Variants in PIK3R4 observed in about 807,000 individuals in gnomAD.
The protein encoded by PIK3R4 is phosphoinositide 3-kinase regulatory subunit 4.
PIK3R4 carries 46 observed loss-of-function variants against 136.5 expected under a neutral mutation model. The observed-to-expected ratio is 0.34, with a 90% confidence interval of 0.27 to 0.43. The LOEUF (loss-of-function observed/expected upper bound fraction) is 0.43, where lower values mean the gene tolerates loss of function less well. PIK3R4 is among the 20% of genes least tolerant of loss of function. PIK3R4 has a pLI of 1.00. For missense variants in PIK3R4, 1,331 were observed against 1,649.5 expected (o/e 0.81, Z 3.35); for synonymous variants, 557 against 566.7 (o/e 0.98, Z 0.24).
At chr3:130,689,593 C>T (rs922514872) in intron 14 of PIK3R4, among the ~76,000 whole-genome samples, 8 of 152,184 alleles carry the variant, frequency 5.3e-5, no homozygotes, top group Non-Finnish European at 1.2e-4. Context: ...CCTTAAGCTA[C>T]CTAATGGCCA....
chr3:130,744,618 G>A lies in PIK3R4; in HGVS notation c.601C>T (p.Arg201Cys). The change falls in exon 2 of 20, where the codon CGT becomes TGT. Residue 201 changes from arginine (R) to cysteine (C), a missense_variant. Arg to Cys is a radical substitution (Grantham distance 180). Coordinates refer to ENST00000356763, the MANE Select transcript of PIK3R4 (RefSeq NM_014602.3). ...GCAAACATCCCACCATCAACAAAAC[G>A]TTCAGGAGCAATATAGCAAGTTCTC... ...RRRTCYIAPERFVDGGMFATE... is the reference protein window; with the variant it reads ...RRRTCYIAPECFVDGGMFATE... 1.9e-6 allele frequency: 3 copies of A among 1,614,164 alleles called. No homozygotes were observed. Among genetic ancestry groups the A allele is most frequent in the Non-Finnish European group, 2.5e-6 (3 of 1,180,024 alleles).
intron 13 of PIK3R4, among the ~76,000 whole-genome samples, chr3:130,702,456 G>T (rs1322933504): frequency 6.6e-6 from 1 of 152,024 alleles, no homozygotes; most frequent in Admixed American, 6.6e-5. Flanking sequence ...GAGCTAATCG[G>T]CACAAAATCT....
intron 15 of PIK3R4, among the ~76,000 whole-genome samples, chr3:130,685,675 C>G (rs1231054258): frequency 6.6e-6 from 1 of 152,138 alleles, no homozygotes. Context: ...CCTTTGGAGA[C>G]AAGGCAAACA....
chr3:130,723,673 C>A, intron 6 of PIK3R4, 86 bp from the exon 7 acceptor site: 1 of 1,111,834 alleles, frequency 9.0e-7, no homozygotes. Context: ...TAAGCAAAAG[C>A]CAAACATATT....
rs2107615622 is a variant in PIK3R4, at chr3:130,723,353, T to C, written c.1981+61A>G. ...ACAATAAAGTTGCAATTCTTTATAT[T>C]ACCTAGAAATTTTATAAAGTTCTTC... On this transcript the variant is annotated intron_variant, in intron 7 of 19. Coordinates refer to ENST00000356763, the MANE Select transcript of PIK3R4 (RefSeq NM_014602.3). The C allele has an allele frequency of 4.9e-6, 7 of 1,416,816 alleles. No individual in the cohort carries two copies. The South Asian group carries it at 8.0e-5, about 16-fold the overall frequency. The allele number at this position is 1,416,816 out of a possible 1,614,324, so 87.8% of individuals were successfully genotyped here. A position where few individuals can be genotyped will look rare whatever the true frequency, so the allele number is the denominator to read the frequency against.
intron 12 of PIK3R4, among the ~76,000 whole-genome samples, chr3:130,704,423 A>C (rs557245797): frequency 6.6e-6 from 1 of 152,334 alleles, no homozygotes. Context: ...TATGCAACTA[A>C]TGATGCCACT....
At chr3:130,732,708 T>G (rs2066765609) in intron 4 of PIK3R4, among the ~76,000 whole-genome samples, 1 of 151,180 alleles carries the variant, frequency 6.6e-6, no homozygotes, top group Non-Finnish European at 1.5e-5. Context: ...TGCCTAGAGA[T>G]AAGACCAGAG....
chr3:130,706,545 T>C (rs1269285352), intron 11 of PIK3R4, among the ~76,000 whole-genome samples: 1 of 152,190 alleles, frequency 6.6e-6, no homozygotes, highest in East Asian at 1.9e-4. Flanking sequence ...ATAAAAAGCA[T>C]CATGACATTT....
At position 130,730,290 on chromosome 3, in the gene PIK3R4, A is replaced by T. The variant is rs1267132127; in HGVS notation, c.1585+18T>A. ...TCATTCTAAATAACAGGAAATCTGGAAGAGAAAATTATACAACCTGTGTCA... is the reference window on the plus strand; with the variant it reads ...TCATTCTAAATAACAGGAAATCTGGTAGAGAAAATTATACAACCTGTGTCA... On this transcript the variant is annotated intron_variant, in intron 5 of 19. Coordinates refer to ENST00000356763, the MANE Select transcript of PIK3R4 (RefSeq NM_014602.3). 1 of 1,573,378 alleles carries T rather than the reference A, an allele frequency of 6.4e-7. No homozygotes were observed. The highest frequency in any genetic ancestry group is 8.6e-7 in the Non-Finnish European group (1 of 1,160,332).
At chr3:130,721,040 A>G (rs984362633) in intron 7 of PIK3R4, among the ~76,000 whole-genome samples, 1 of 149,438 alleles carries the variant, frequency 6.7e-6, no homozygotes, top group Non-Finnish European at 1.5e-5. Flanking sequence ...CTGTGTCTTA[A>G]AAAAAAAAAA....
Position 130,681,017 on chromosome 3 carries a change from T to C in PIK3R4, c.3757A>G (p.Asn1253Asp). Residue 1253 changes from asparagine (N) to aspartate (D), a missense_variant, in exon 18 of 20, where the codon AAT becomes GAT. By Grantham distance (23) the Asn-to-Asp change is conservative (BLOSUM62 1). Coordinates refer to ENST00000356763, the MANE Select transcript of PIK3R4 (RefSeq NM_014602.3). ...GAGCCAGCTGTTAGTAGGATAGGATTTCCATCTGCAGGACTACAGTAGATA... is the reference window on the plus strand; with the variant it reads ...GAGCCAGCTGTTAGTAGGATAGGATCTCCATCTGCAGGACTACAGTAGATA... ...HGIYCSPADG[N>D]PILLTAGSDM... 1 of 1,595,434 alleles carries C rather than the reference T, an allele frequency of 6.3e-7. No individual in the cohort carries two copies. The highest frequency in any genetic ancestry group is 1.1e-5 in the South Asian group (1 of 89,380).
intron 14 of PIK3R4, among the ~76,000 whole-genome samples, chr3:130,688,451 A>T (rs1241090481): frequency 6.6e-6 from 1 of 152,236 alleles, no homozygotes; most frequent in African/African-American, 2.4e-5. Context: ...CTTGTAAAAC[A>T]GATTAATTTG....
chr3:130,744,777 C>A lies in PIK3R4; in HGVS notation c.442G>T (p.Asp148Tyr). The change falls in exon 2 of 20, where the codon GAC becomes TAC. Residue 148 changes from aspartate to tyrosine, a missense_variant. Transcript: ENST00000356763. ...ACCATCACATTCTCAGTCTTGATGT[C>A]CCCATGACGAACTCCAGATTTGTGT... ...QAHKSGVRHG[D>Y]IKTENVMVTS... 6.2e-7 allele frequency: 1 copy of A among 1,614,264 alleles called. No individual in the cohort carries two copies. Among genetic ancestry groups the A allele is most frequent in the Non-Finnish European group, 8.5e-7 (1 of 1,180,046 alleles).
chr3:130,736,833 A>G (rs2107620933), intron 2 of PIK3R4, among the ~76,000 whole-genome samples: 1 of 152,314 alleles, frequency 6.6e-6, no homozygotes. Context: ...TCATTCTAGG[A>G]AGGAAGACAG....
At position 130,679,204 on chromosome 3, in the gene PIK3R4, T is replaced by C. The variant is rs974861960; in HGVS notation, c.*111A>G. 2.4e-5 allele frequency: 15 copies of C among 623,648 alleles called. No homozygotes were observed. Among genetic ancestry groups the C allele is most frequent in the Non-Finnish European group, 3.6e-5 (14 of 388,706 alleles). The allele number at this position is 623,648 out of a possible 1,614,324, so 38.6% of individuals were successfully genotyped here. Reference sequence around the variant, plus strand: ...GTCAGTCAGTCATGAAACAGTAATATGGAGACATAATTTTGAAAATTAAGC... The same window carrying C: ...GTCAGTCAGTCATGAAACAGTAATACGGAGACATAATTTTGAAAATTAAGC... On this transcript the variant is annotated 3_prime_UTR_variant, in exon 20 of 20. Transcript: ENST00000356763.
intron 9 of PIK3R4, among the ~76,000 whole-genome samples, chr3:130,709,342 T>G (rs2066622304): frequency 6.6e-6 from 1 of 152,140 alleles, no homozygotes; most frequent in Non-Finnish European, 1.5e-5. Flanking sequence ...TTTCATCATG[T>G]AAAGGAATAA....
rs571855543 is a variant in PIK3R4 at position 130,679,332 on chromosome 3, C to T, written c.4060G>A (p.Val1354Met). 1.2e-5 allele frequency: 19 copies of T among 1,604,846 alleles called. No homozygotes were observed. The highest frequency in any genetic ancestry group is 3.4e-5 in the Admixed American group (2 of 59,208). ...AGTAGGTTTTATTTCCACACCTTCA[C>T]AATCCCATCTCTAGAAGCAGTTACG... ...FIVTASRDGI[V>M]KVWK Residue 1354 changes from valine to methionine, a missense_variant, in exon 20 of 20, where the codon GTG becomes ATG. Val to Met is a conservative substitution (Grantham distance 21, BLOSUM62 1). This residue lies in a region of PIK3R4 where 1,180 missense variants were observed against 1,407.0 expected (regional missense o/e 0.84). Transcript: ENST00000356763.
intron 9 of PIK3R4, among the ~76,000 whole-genome samples, chr3:130,709,713 A>C (rs1233372224): frequency 6.6e-6 from 1 of 152,148 alleles, no homozygotes; most frequent in Admixed American, 6.5e-5. Flanking sequence ...TGAAATACTG[A>C]TACATGCTAC....
chr3:130,681,695 CTTTCTTTCAG>C, intron 16 of PIK3R4, 104 bp from the exon 17 acceptor site: 1 of 657,876 alleles, frequency 1.5e-6, no homozygotes, highest in South Asian at 1.9e-5. Flanking sequence ...AAATTTCTTT[CTTTCTTTCAG>C]GGGGAGAGAC....
Sources: gnomAD v4.1 joint callset for allele counts (sites outside exome capture counted in the v4.1 genomes callset) on GRCh38, gnomAD v4.1.1 for gene constraint, gnomAD v4.1.1 regional missense constraint, MANE v1.5 for transcripts, NCBI Gene and HGNC (gene_info 2026-07-23, HGNC 2026-07-21) for gene names.